Variants in ZNF326 observed in about 807,000 individuals in gnomAD.
ZNF326 encodes zinc finger protein 326, also known as DBIRD complex subunit ZNF326.
In ZNF326, 30 loss-of-function variants were observed where a neutral mutation model predicts 63.1. The observed-to-expected ratio is 0.48, with a 90% CI of 0.36 to 0.64. The LOEUF is 0.64. Among genes scored for constraint, ZNF326 ranks in the 30% least tolerant of loss-of-function variants. The pLI, the probability that ZNF326 is intolerant of heterozygous loss-of-function variation, is 0.00. For synonymous variants in ZNF326, 194 were observed against 228.2 expected (o/e 0.85, Z 1.35); for missense variants, 609 against 720.3 (o/e 0.85, Z 1.77).
In ZNF326 at chr1:90,027,430, T is replaced by C. The variant is rs999042600; in HGVS notation, c.1478T>C (p.Ile493Thr). Reference protein sequence around the residue: ...IEGDEEDEEKIDEPIEEEEDE... With the variant: ...IEGDEEDEEKTDEPIEEEEDE... Reference sequence around the variant, plus strand: ...GGAGATGAGGAGGATGAAGAGAAGATTGATGAACCTATTGAAGAAGAGGAG... The same window carrying C: ...GGAGATGAGGAGGATGAAGAGAAGACTGATGAACCTATTGAAGAAGAGGAG... The change falls in exon 12 of 12, where the codon ATT becomes ACT. Residue 493 changes from isoleucine (I) to threonine (T), a missense_variant. By Grantham distance (89) the Ile-to-Thr change is moderately conservative (BLOSUM62 -1). This residue lies in a region of ZNF326 where 399 missense variants were observed against 444.3 expected (regional missense o/e 0.90). Transcript: ENST00000340281. 8 of 1,613,110 alleles carry C rather than the reference T, an allele frequency of 5.0e-6. No homozygotes were observed. The African/African-American group carries it at 6.7e-5, about 14-fold the overall frequency.
chr1:90,013,398 A>T lies in ZNF326; in HGVS notation c.926+161A>T, dbSNP rs141124658. Among the ~76,000 whole-genome samples, 640 of 152,370 alleles carry T rather than the reference A, an allele frequency of 4.2e-3. 5 individuals carry two copies. The highest frequency in any genetic ancestry group is 0.015 in the African/African-American group (623 of 41,586). On this transcript the variant is annotated intron_variant, in intron 7 of 11. Transcript: ENST00000340281. ...TGGTTTTTGATATTTATATGTAATCACTACTTAGAAAACATAAGAAAAAAG... is the reference window on the plus strand; with the variant it reads ...TGGTTTTTGATATTTATATGTAATCTCTACTTAGAAAACATAAGAAAAAAG...
Position 89,995,174 on chromosome 1 carries a change from G to T in ZNF326, c.-84G>T. ...CCGCTCTCGGTCGCGCGGAGTGATC[G>T]TGTGGAATCGCGGGTCGCGGACGCT... is the stretch of plus-strand genomic sequence containing the variant. On this transcript the variant is annotated 5_prime_UTR_variant, in exon 1 of 12. Coordinates refer to ENST00000340281, the MANE Select transcript of ZNF326 (RefSeq NM_182976.4). 2 of 1,473,512 alleles carry T rather than the reference G, an allele frequency of 1.4e-6. No homozygotes were observed. The highest frequency in any genetic ancestry group is 2.7e-5 in the East Asian group (1 of 37,030). The allele number at this position is 1,473,512 out of a possible 1,614,324, so 91.3% of individuals were successfully genotyped here.
intron 7 of ZNF326, among the ~76,000 whole-genome samples, chr1:90,014,144 A>G (rs1259889442): frequency 6.6e-6 from 1 of 152,128 alleles, no homozygotes; most frequent in African/African-American, 2.4e-5. Context: ...TGACACCTGG[A>G]ATGAATGTAG....
In ZNF326 at chr1:90,030,021, T is replaced by C. The variant is rs1650196990; in HGVS notation, c.*2320T>C. 6.6e-6 allele frequency: 1 copy of C among 152,340 alleles called. No homozygotes were observed. Among genetic ancestry groups the C allele is most frequent in the South Asian group, 2.1e-4 (1 of 4,828 alleles). 9.4% of individuals were successfully genotyped at this position (152,340 alleles called of 1,614,324 possible). The stretch of plus-strand genomic sequence containing the variant: ...GTTTTCAAGTATCACTTGTTTTCTC[T>C]ATTACAAAGTGAGATACATAGTTCT... On this transcript the variant is annotated 3_prime_UTR_variant, in exon 12 of 12. Transcript: ENST00000340281.
intron 4 of ZNF326, chr1:90,006,331 A>T: frequency 1.0e-6 from 1 of 977,658 alleles, no homozygotes; most frequent in South Asian, 4.7e-5. Context: ...TTAATATGTC[A>T]GTTATTGCCC....
chr1:90,013,801 T>A (rs1021078729), intron 7 of ZNF326, among the ~76,000 whole-genome samples: 5 of 151,998 alleles, frequency 3.3e-5, no homozygotes, highest in Middle Eastern at 3.4e-3. Flanking sequence ...CAGTGGCTCA[T>A]GCCTGTAATC....
Position 90,027,377 on chromosome 1 carries a change from A to G in ZNF326, c.1425A>G (p.Gln475=), listed in dbSNP as rs1650059058. The G allele has an allele frequency of 2.5e-6, 4 of 1,613,806 alleles. No individual in the cohort carries two copies. The South Asian group carries it at 4.4e-5, about 18-fold the overall frequency. ...AGGGTGAGAATCCTTTTGAAATTCA[A>G]GACCATTCTCAGGATCAGCAAATAG... ...FVKGENPFEI[Q]DHSQDQQIEG... The change falls in exon 12 of 12, where the codon CAA becomes CAG. Residue 475 remains glutamine (Q), a synonymous_variant. Transcript: ENST00000340281.
intron 2 of ZNF326, among the ~76,000 whole-genome samples, chr1:90,003,969 CTATTG>C (rs1648828726): frequency 6.6e-6 from 1 of 151,934 alleles, no homozygotes; most frequent in Non-Finnish European, 1.5e-5. Context: ...TCTGTGTGTA[CTATTG>C]TATTTATTTG....
At chr1:90,004,888 A>G in intron 2 of ZNF326, 115 bp from the exon 3 acceptor site, 1 of 582,292 alleles carries the variant, frequency 1.7e-6, no homozygotes. Context: ...AATTTAGTTT[A>G]AATGTTAATG....
intron 5 of ZNF326, among the ~76,000 whole-genome samples, chr1:90,008,001 G>C (rs1370768175): frequency 6.6e-6 from 1 of 152,188 alleles, no homozygotes; most frequent in Non-Finnish European, 1.5e-5. Context: ...TACTGGTTTG[G>C]TCTAAAAGGG....
chr1:90,022,657 A>G (rs149543574), intron 11 of ZNF326, among the ~76,000 whole-genome samples: 24 of 152,326 alleles, frequency 1.6e-4, no homozygotes, highest in African/African-American at 5.1e-4. Context: ...TATCTTAGCT[A>G]TGTAGTTGCT....
intron 7 of ZNF326, among the ~76,000 whole-genome samples, chr1:90,016,869 T>G (rs902830690): frequency 2.0e-5 from 3 of 152,240 alleles, no homozygotes; most frequent in Non-Finnish European, 4.4e-5. Context: ...GGCAAGACTT[T>G]TATCACCCAA....
chr1:90,027,759 T>C lies in ZNF326; in HGVS notation c.*58T>C. On this transcript the variant is annotated 3_prime_UTR_variant, in exon 12 of 12. Coordinates refer to ENST00000340281, the MANE Select transcript of ZNF326 (RefSeq NM_182976.4). ...ATTTCGGTTCTAATGTAAAAAAGGG[T>C]AAGAAATTTAATAGCTTAAAATATG... The C allele has an allele frequency of 6.6e-7, 1 of 1,523,760 alleles. No individual in the cohort carries two copies. The highest frequency in any genetic ancestry group is 1.2e-5 in the South Asian group (1 of 86,622). 94.4% of individuals were successfully genotyped at this position (1,523,760 alleles called of 1,614,324 possible). A position where few individuals can be genotyped will look rare whatever the true frequency, so the allele number is the denominator to read the frequency against.
chr1:89,997,152 T>C (rs1034346818), intron 1 of ZNF326, among the ~76,000 whole-genome samples: 11 of 152,252 alleles, frequency 7.2e-5, no homozygotes, highest in Non-Finnish European at 1.0e-4. Context: ...TATATGAATC[T>C]ATTCCTGTAT....
intron 2 of ZNF326, among the ~76,000 whole-genome samples, chr1:90,001,872 T>G (rs1405360898): frequency 6.6e-6 from 1 of 152,174 alleles, no homozygotes; most frequent in African/African-American, 2.4e-5. Flanking sequence ...GGTCAGTTTT[T>G]TTTCCCCCAG....
intron 11 of ZNF326, among the ~76,000 whole-genome samples, chr1:90,024,335 C>T (rs1031939012): frequency 1.3e-5 from 2 of 152,332 alleles, no homozygotes; most frequent in East Asian, 1.9e-4. Flanking sequence ...TGCCTTCACT[C>T]CCTGCTCTGG....
intron 6 of ZNF326, among the ~76,000 whole-genome samples, chr1:90,012,498 C>G (rs1375176577): frequency 1.3e-5 from 2 of 152,036 alleles, no homozygotes; most frequent in Non-Finnish European, 2.9e-5. Flanking sequence ...AGTTCTGTAA[C>G]TAGATAGTGG....
chr1:90,015,290 G>T (rs139936873), intron 7 of ZNF326, among the ~76,000 whole-genome samples: 55 of 152,306 alleles, frequency 3.6e-4, no homozygotes, highest in African/African-American at 1.3e-3. Context: ...AACCTAGGGA[G>T]AAAGAGATGG....
At chr1:89,995,656 A>T (rs1477683229) in intron 1 of ZNF326, among the ~76,000 whole-genome samples, 1 of 152,262 alleles carries the variant, frequency 6.6e-6, no homozygotes, top group Non-Finnish European at 1.5e-5. Flanking sequence ...TTCGCCCCAC[A>T]GGGCAGCGAC....
Sources: allele counts gnomAD v4.1 joint callset (sites outside exome capture counted in the v4.1 genomes callset), GRCh38; gene constraint gnomAD v4.1.1; regional missense constraint gnomAD v4.1.1; transcripts MANE v1.5; gene names NCBI Gene and HGNC (gene_info 2026-07-23, HGNC 2026-07-21).